Variants in USP7 observed in about 807,000 individuals in gnomAD.
USP7 encodes the protein ubiquitin C-terminal hydrolase 7.
A neutral mutation model predicts 162.9 loss-of-function variants in USP7; 9 were observed. The ratio of observed to expected loss-of-function variants is 0.06; its 90% CI spans 0.03 to 0.10. The LOEUF (loss-of-function observed/expected upper bound fraction) is 0.10. USP7 is among the 10% of genes least tolerant of loss of function. The pLI is 1.00. For missense variants in USP7, 715 were observed against 1,373.7 expected (o/e 0.52, Z 7.58); for synonymous variants, 562 against 475.9 (o/e 1.18, Z -2.35).
Position 8,894,657 on chromosome 16 carries a change from T to C in USP7, c.3112-17A>G, listed in dbSNP as rs1274624367. The C allele has an allele frequency of 6.2e-7, 1 of 1,612,140 alleles. No homozygotes were observed. The highest frequency in any genetic ancestry group is 1.7e-5 in the Admixed American group (1 of 59,808). ...AAATTTAAACTAAAAGAAAAAAAAT[T>C]AAAACTCCTCCGTTATTTCTGTATA... On this transcript the variant is annotated splice_polypyrimidine_tract_variant and intron_variant, in intron 29 of 30. Coordinates refer to ENST00000344836, the MANE Select transcript of USP7 (RefSeq NM_003470.3).
At chr16:8,950,377 A>G (rs1488631215) in intron 1 of USP7, among the ~76,000 whole-genome samples, 1 of 152,234 alleles carries the variant, frequency 6.6e-6, no homozygotes, top group Non-Finnish European at 1.5e-5. Flanking sequence ...AAGAAAAATA[A>G]AAGCCCTTTA....
At position 8,924,554 on chromosome 16, in the gene USP7, T is replaced by C. The variant is rs977123698; in HGVS notation, c.185-1141A>G. Among the ~76,000 whole-genome samples the C allele has an allele frequency of 4.6e-5, 7 of 152,250 alleles. No individual in the cohort carries two copies. The South Asian group carries it at 8.3e-4, about 18-fold the overall frequency. Reference sequence around the variant, plus strand: ...CTCCTAAGGCACAAAATGAGACTTGTAGGCTTGGGTAAAGAGTGCCTAAGA... The same window carrying C: ...CTCCTAAGGCACAAAATGAGACTTGCAGGCTTGGGTAAAGAGTGCCTAAGA... On this transcript the variant is annotated intron_variant, in intron 2 of 30. Coordinates refer to ENST00000344836, the MANE Select transcript of USP7 (RefSeq NM_003470.3).
At chr16:8,938,569 G>A (rs1270038606) in intron 1 of USP7, among the ~76,000 whole-genome samples, 1 of 152,002 alleles carries the variant, frequency 6.6e-6, no homozygotes, top group Admixed American at 6.6e-5. Flanking sequence ...AAACTTAGCT[G>A]GGCACGGTGG....
chr16:8,945,314 G>A (rs761428604), intron 1 of USP7, among the ~76,000 whole-genome samples: 1 of 152,188 alleles, frequency 6.6e-6, no homozygotes, highest in South Asian at 2.1e-4. Flanking sequence ...TACCTGGGAG[G>A]TGGAGGTTGC....
intron 18 of USP7, 33 bp downstream of exon 18, chr16:8,902,049 C>T: frequency 1.3e-6 from 2 of 1,562,294 alleles, no homozygotes; most frequent in Non-Finnish European, 8.8e-7. Context: ...CGCTACTGCT[C>T]TAAGTGCAGG....
intron 6 of USP7, 29 bp from the exon 7 acceptor site, chr16:8,917,185 A>G (rs1567222331): frequency 1.9e-6 from 3 of 1,572,740 alleles, no homozygotes; most frequent in Middle Eastern, 3.5e-4. Context: ...AAGAATTTTT[A>G]CTCTGAGAAG....
chr16:8,917,841 A>G (rs1164994344), intron 6 of USP7, among the ~76,000 whole-genome samples: 2 of 150,822 alleles, frequency 1.3e-5, no homozygotes, highest in Non-Finnish European at 3.0e-5. Context: ...CCAGGCTGGA[A>G]TGCAGTGGCG....
chr16:8,896,255 G>A (rs1033444928), intron 26 of USP7, among the ~76,000 whole-genome samples: 57 of 151,572 alleles, frequency 3.8e-4, no homozygotes, highest in African/African-American at 1.3e-3. Context: ...GCTGGACAAA[G>A]TGGAAATGGC....
intron 10 of USP7, among the ~76,000 whole-genome samples, chr16:8,914,059 C>A (rs2061992506): frequency 6.6e-6 from 1 of 151,936 alleles, no homozygotes; most frequent in African/African-American, 2.4e-5. Context: ...TTAAATATTT[C>A]TTTAAAGGAA....
At chr16:8,913,610 T>C (rs1398330953) in intron 10 of USP7, among the ~76,000 whole-genome samples, 2 of 152,048 alleles carry the variant, frequency 1.3e-5, no homozygotes, top group Non-Finnish European at 2.9e-5. Flanking sequence ...TTTCTAGGCA[T>C]GCAAGGTGAA....
chr16:8,963,100 C>G (rs1019295081), intron 1 of USP7, 107 bp downstream of exon 1: 55 of 1,073,016 alleles, frequency 5.1e-5, no homozygotes, highest in Non-Finnish European at 6.0e-5. Context: ...CGGCGGCCGC[C>G]CGGGGCCTGG....
At chr16:8,916,970 A>T (rs1897405584) in intron 7 of USP7, 56 bp downstream of exon 7, 12 of 279,026 alleles carry the variant, frequency 4.3e-5, no homozygotes, top group Non-Finnish European at 4.8e-5. Flanking sequence ...CACTTGTCCT[A>T]AAAAAAAAAA....
rs202021946 is a variant in USP7 at position 8,897,034 on chromosome 16, G to A, written c.2784C>T (p.Ala928=). 3.5e-5 allele frequency: 56 copies of A among 1,613,894 alleles called. No individual in the cohort carries two copies. Among genetic ancestry groups the A allele is most frequent in the Non-Finnish European group, 4.3e-5 (51 of 1,179,962 alleles). The change falls in exon 26 of 31, where the codon GCC becomes GCT. Residue 928 remains alanine (A), a synonymous_variant. Transcript: ENST00000344836. ...CTGATGCTTTCTCCCCAAGCTCCAC[G>A]GCCTTTTTACATTCTTCTAACAGGT... The part of the protein sequence containing the change: ...VRDLLEECKK[A]VELGEKASGK...
intron 2 of USP7, among the ~76,000 whole-genome samples, chr16:8,925,214 T>C (rs1023127395): frequency 3.9e-5 from 6 of 152,174 alleles, no homozygotes; most frequent in Non-Finnish European, 8.8e-5. Flanking sequence ...ATATCCAAGA[T>C]TTGTCAAGAC....
At chr16:8,956,945 A>G (rs1899837028) in intron 1 of USP7, among the ~76,000 whole-genome samples, 1 of 152,060 alleles carries the variant, frequency 6.6e-6, no homozygotes, top group Admixed American at 6.6e-5. Context: ...GCTATCTCTC[A>G]GGGTGCCTTC....
chr16:8,896,739 G>A (rs75094587), intron 26 of USP7, among the ~76,000 whole-genome samples: 2 of 152,302 alleles, frequency 1.3e-5, no homozygotes, highest in East Asian at 3.9e-4. Context: ...GAGGAAAAAC[G>A]TGGCTTAATT....
At chr16:8,919,791 A>G (rs1268411755) in intron 5 of USP7, among the ~76,000 whole-genome samples, 2 of 151,746 alleles carry the variant, frequency 1.3e-5, no homozygotes, top group Non-Finnish European at 2.9e-5. Flanking sequence ...CGACCTGAAC[A>G]CACGACCGTC....
intron 5 of USP7, 61 bp downstream of exon 5, chr16:8,920,298 A>C: frequency 7.0e-7 from 1 of 1,437,818 alleles, no homozygotes; most frequent in Non-Finnish European, 9.6e-7. Context: ...TGCACGCTAA[A>C]GCTTCTTTCA....
chr16:8,895,806 G>T, intron 26 of USP7, 65 bp from the exon 27 acceptor site: 18 of 1,131,830 alleles, frequency 1.6e-5, no homozygotes, highest in Admixed American at 8.6e-5. Context: ...AAATAAAATG[G>T]TTTTCTAGAA....
Sources: gnomAD v4.1 joint callset for allele counts (sites outside exome capture counted in the v4.1 genomes callset) on GRCh38, gnomAD v4.1.1 for gene constraint, MANE v1.5 for transcripts, NCBI Gene and HGNC (gene_info 2026-07-23, HGNC 2026-07-21) for gene names.